CCDC169: variants seen among roughly 807,000 people sequenced by gnomAD.
CCDC169 encodes the protein coiled-coil domain containing 169.
CCDC169 carries 30 observed loss-of-function variants against 36.0 expected under a neutral mutation model. That is an observed-to-expected ratio of 0.83 (90% CI 0.62 to 1.13). The LOEUF (loss-of-function observed/expected upper bound fraction) is 1.13. Ranked by LOEUF, CCDC169 falls within the 50% of genes most tolerant of loss-of-function variation. The probability of loss-of-function intolerance (pLI) is 0.00; values close to 1 mark genes in which losing one functional copy is unlikely to be tolerated. For missense variants in CCDC169, 245 were observed against 245.9 expected (o/e 1.00, Z 0.03); for synonymous variants, 85 against 81.5 (o/e 1.04, Z -0.23).
chr13:36,240,547 G>A (rs1160610227), intron 7 of CCDC169: 7 of 1,064,968 alleles, frequency 6.6e-6, no homozygotes, highest in African/African-American at 1.7e-5. Flanking sequence ...AGAAGGATAC[G>A]CCCCTAACAA....
At chr13:36,248,573 C>T (rs534278776) in intron 7 of CCDC169, 33 bp downstream of exon 7, 79 of 1,542,066 alleles carry the variant, frequency 5.1e-5, no homozygotes, top group African/African-American at 2.1e-4. Context: ...GCAAATGTAA[C>T]GAATTAGAAA....
rs560658081 is a variant in CCDC169, at chr13:36,246,574, A to C, written c.545+2032T>G. Reference sequence around the variant, plus strand: ...AGGATGGTTCATGAGGTTTAAGGAAAGAAGCCCCCTTCATAACATAAAAAT... The same window carrying C: ...AGGATGGTTCATGAGGTTTAAGGAACGAAGCCCCCTTCATAACATAAAAAT... On this transcript the variant is annotated intron_variant, in intron 7 of 7. Transcript: ENST00000239859. 6.6e-5 allele frequency among the ~76,000 whole-genome samples: 10 copies of C among 152,376 alleles called. No individual in the cohort carries two copies. In the South Asian group the frequency reaches 2.1e-3, roughly 32 times the overall value.
chr13:36,275,593 T>C (rs1876697992), intron 4 of CCDC169, among the ~76,000 whole-genome samples: 1 of 152,136 alleles, frequency 6.6e-6, no homozygotes, highest in Non-Finnish European at 1.5e-5. Flanking sequence ...CACGTGTCAA[T>C]AGTGCTCTAG....
At chr13:36,231,675 C>T (rs373891711) in intron 7 of CCDC169, among the ~76,000 whole-genome samples, 54 of 152,276 alleles carry the variant, frequency 3.5e-4, no homozygotes, top group African/African-American at 1.3e-3. Context: ...CTTCCTTACA[C>T]TCTGACTTGA....
chr13:36,232,555 G>A (rs1294525446), intron 7 of CCDC169, among the ~76,000 whole-genome samples: 1 of 152,064 alleles, frequency 6.6e-6, no homozygotes, highest in East Asian at 1.9e-4. Flanking sequence ...ACTTTGGGAG[G>A]CTAAGGGAGG....
At chr13:36,276,311 AAGT>A (rs1433936295) in intron 4 of CCDC169, among the ~76,000 whole-genome samples, 21 of 152,182 alleles carry the variant, frequency 1.4e-4, no homozygotes, top group African/African-American at 4.8e-4. Flanking sequence ...TGATTTCCGT[AAGT>A]TTTGGGTTTT....
intron 4 of CCDC169, 93 bp from the exon 5 acceptor site, chr13:36,254,236 T>A: frequency 1.3e-6 from 1 of 773,932 alleles, no homozygotes; most frequent in Non-Finnish European, 1.9e-6. Context: ...ATGCCTTGTA[T>A]ACCTAATATT....
downstream of CCDC169, chr13:36,225,124 A>G (rs1198415283): frequency 6.6e-6 from 1 of 152,194 alleles, no homozygotes; most frequent in Non-Finnish European, 1.5e-5. Flanking sequence ...ACCTTTCACC[A>G]TATGCAAAAA....
chr13:36,287,655 G>C (rs1186131201), intron 2 of CCDC169, among the ~76,000 whole-genome samples: 3 of 152,172 alleles, frequency 2.0e-5, no homozygotes. Context: ...TGCTTTTCAA[G>C]TGCATGTGAA....
intron 4 of CCDC169, among the ~76,000 whole-genome samples, chr13:36,276,523 T>C (rs1876850092): frequency 6.6e-6 from 1 of 152,174 alleles, no homozygotes; most frequent in African/African-American, 2.4e-5. Context: ...CCCCCATTCT[T>C]TTCACCACCA....
At chr13:36,222,403 G>A (rs1269250679), downstream of CCDC169, 1 of 152,170 alleles carries the variant, frequency 6.6e-6, no homozygotes, top group African/African-American at 2.4e-5. Flanking sequence ...ATCTGCATAG[G>A]AGCCCCTTGA....
intron 4 of CCDC169, among the ~76,000 whole-genome samples, chr13:36,273,329 A>C (rs1034231212): frequency 1.3e-5 from 2 of 152,124 alleles, no homozygotes; most frequent in Non-Finnish European, 2.9e-5. Flanking sequence ...CAGTTTTCCA[A>C]TTTTACATTT....
chr13:36,274,994 G>A (rs943286243), intron 4 of CCDC169, among the ~76,000 whole-genome samples: 43 of 149,392 alleles, frequency 2.9e-4, no homozygotes, highest in Middle Eastern at 7.2e-3. Context: ...TCAGCCTCCC[G>A]AGCAGCTGGG....
chr13:36,240,094 G>A (rs1483850849), intron 7 of CCDC169, among the ~76,000 whole-genome samples: 1 of 152,004 alleles, frequency 6.6e-6, no homozygotes, highest in East Asian at 1.9e-4. Context: ...TCCACTGGTG[G>A]TCTTTGGAAT....
downstream of CCDC169, chr13:36,227,299 G>C: frequency 6.4e-7 from 1 of 1,551,432 alleles, no homozygotes; most frequent in South Asian, 1.2e-5. Context: ...CTATTCTCTG[G>C]TCCAGCCACA....
intron 7 of CCDC169, among the ~76,000 whole-genome samples, chr13:36,246,720 G>T (rs1872540396): frequency 6.6e-6 from 1 of 152,164 alleles, no homozygotes; most frequent in Admixed American, 6.6e-5. Flanking sequence ...ACTGATGAAG[G>T]TGATTACACT....
At chr13:36,230,654 C>CATG (rs1870317366), downstream of CCDC169, 2 of 522,244 alleles carry the variant, frequency 3.8e-6, no homozygotes, top group Non-Finnish European at 4.9e-6. Context: ...GGTGAAGGGA[C>CATG]TTGCCCAAGA....
At chr13:36,259,941 AG>A (rs1323909754) in intron 4 of CCDC169, among the ~76,000 whole-genome samples, 3 of 152,212 alleles carry the variant, frequency 2.0e-5, no homozygotes, top group Non-Finnish European at 4.4e-5. Flanking sequence ...GGCCTGCCTG[AG>A]GCAGGTGGGC....
chr13:36,256,694 G>A (rs1355505949), intron 4 of CCDC169, among the ~76,000 whole-genome samples: 1 of 152,148 alleles, frequency 6.6e-6, no homozygotes, highest in African/African-American at 2.4e-5. Context: ...CCTCCAGCAT[G>A]GGTGATATGA....
Sources: gnomAD v4.1 joint callset for allele counts (sites outside exome capture counted in the v4.1 genomes callset) on GRCh38, gnomAD v4.1.1 for gene constraint, MANE v1.5 for transcripts, NCBI Gene and HGNC (gene_info 2026-07-23, HGNC 2026-07-21) for gene names.